Variants in OSBPL10 observed in about 807,000 individuals in gnomAD.
OSBPL10 encodes the protein oxysterol-binding protein-related protein 10.
A neutral mutation model predicts 81.7 loss-of-function variants in OSBPL10; 49 were observed. That is an observed-to-expected ratio of 0.60 (90% confidence interval 0.48 to 0.76). The LOEUF is 0.76. Among genes scored for constraint, OSBPL10 ranks in the 30% least tolerant of loss-of-function variants. OSBPL10 has a pLI of 0.00. For synonymous variants in OSBPL10, 419 were observed against 383.6 expected, an observed-to-expected ratio of 1.09 and a Z score of -1.08; for missense variants, 923 against 987.8, an observed-to-expected ratio of 0.93 and a Z score of 0.88.
chr3:31,958,593 T>A (rs971441047), intron 1 of OSBPL10, among the ~76,000 whole-genome samples: 1 of 152,194 alleles, frequency 6.6e-6, no homozygotes, highest in Non-Finnish European at 1.5e-5. Flanking sequence ...GTCTTTATAT[T>A]TGTTATGTCA....
intron 4 of OSBPL10, among the ~76,000 whole-genome samples, chr3:31,774,111 G>A (rs191788205): frequency 1.0e-4 from 15 of 149,052 alleles, no homozygotes; most frequent in Admixed American, 2.0e-4. Flanking sequence ...GCAGTGAGCC[G>A]AGATTGCACC....
At chr3:31,674,404 A>AAC (rs1700402876) in intron 8 of OSBPL10, among the ~76,000 whole-genome samples, 1 of 151,962 alleles carries the variant, frequency 6.6e-6, no homozygotes, top group Non-Finnish European at 1.5e-5. Context: ...AAAATTTTAA[A>AAC]AAAAAATTAG....
At chr3:31,870,617 G>A (rs191426152) in intron 3 of OSBPL10, among the ~76,000 whole-genome samples, 10 of 151,984 alleles carry the variant, frequency 6.6e-5, no homozygotes, top group South Asian at 2.1e-4. Flanking sequence ...TATGTCTAGC[G>A]CAGGGATTGT....
chr3:31,792,169 C>T (rs377130326), intron 4 of OSBPL10, among the ~76,000 whole-genome samples: 1 of 151,110 alleles, frequency 6.6e-6, no homozygotes, highest in Admixed American at 6.6e-5. Flanking sequence ...ATTGAGGCTG[C>T]GGTGAGCTGT....
intron 6 of OSBPL10, among the ~76,000 whole-genome samples, chr3:31,730,971 C>T (rs1696955771): frequency 6.6e-6 from 1 of 152,186 alleles, no homozygotes; most frequent in South Asian, 2.1e-4. Context: ...AGGACCTGCT[C>T]ATAAGGCATT....
At position 31,684,085 on chromosome 3, in the gene OSBPL10, C is replaced by T. The variant is rs201856386; in HGVS notation, c.1275G>A (p.Lys425=). 1.1e-5 allele frequency: 18 copies of T among 1,613,932 alleles called. No individual in the cohort carries two copies. In the South Asian group the frequency reaches 1.9e-4, roughly 17 times the overall value. The part of the protein sequence containing the change: ...KVVLPTFILE[K]RSLLEMYADF... ...CTGCATACATCTCCAGCAAAGATCG[C>T]TTCTCCAGGATAAAGGTGGGAAGCA... The change falls in exon 8 of 12, where the codon AAG becomes AAA. Residue 425 remains lysine (K), a synonymous_variant. Coordinates refer to ENST00000396556, the MANE Select transcript of OSBPL10 (RefSeq NM_017784.5).
At chr3:31,746,323 C>T (rs953397548) in intron 5 of OSBPL10, among the ~76,000 whole-genome samples, 5 of 152,000 alleles carry the variant, frequency 3.3e-5, no homozygotes, top group South Asian at 2.1e-4. Flanking sequence ...GTCTGTCATC[C>T]GAGAGTCGCT....
intron 1 of OSBPL10, among the ~76,000 whole-genome samples, chr3:32,057,584 G>A (rs1296582186): frequency 1.3e-5 from 2 of 152,154 alleles, no homozygotes; most frequent in Non-Finnish European, 1.5e-5. Flanking sequence ...AGCGAAGTGG[G>A]AAGAGCCCTT....
At chr3:31,857,548 GC>G (rs1700942617) in intron 3 of OSBPL10, among the ~76,000 whole-genome samples, 1 of 151,600 alleles carries the variant, frequency 6.6e-6, no homozygotes, top group East Asian at 2.0e-4. Flanking sequence ...CAGCAAAAGA[GC>G]CTCGGCTCCA....
At chr3:31,711,115 C>A (rs11129458) in intron 6 of OSBPL10, 31,299 of 152,176 alleles carry the variant, frequency 0.21, 4,408 homozygotes, top group East Asian at 0.62. Flanking sequence ...CTTAGTTCAA[C>A]CATGTTTCAC....
intron 6 of OSBPL10, among the ~76,000 whole-genome samples, chr3:31,720,334 C>G (rs6809762): frequency 5.5e-4 from 84 of 152,178 alleles, no homozygotes; most frequent in African/African-American, 2.0e-3. Flanking sequence ...TTCTGAGGCT[C>G]TTGGGAGATA....
At chr3:31,968,271 C>A (rs896441500) in intron 1 of OSBPL10, among the ~76,000 whole-genome samples, 1 of 151,468 alleles carries the variant, frequency 6.6e-6, no homozygotes, top group Non-Finnish European at 1.5e-5. Context: ...AAAAAAAAAT[C>A]GGATCACAAG....
At chr3:31,667,549 A>C (rs768975260) in intron 10 of OSBPL10, among the ~76,000 whole-genome samples, 15 of 152,274 alleles carry the variant, frequency 9.9e-5, no homozygotes, top group Non-Finnish European at 1.5e-4. Context: ...TTGTAGTAAT[A>C]GTAAAGCTTT....
At chr3:32,019,130 C>A (rs185517828) in intron 2 of OSBPL10, among the ~76,000 whole-genome samples, 12 of 152,078 alleles carry the variant, frequency 7.9e-5, no homozygotes, top group African/African-American at 2.6e-4. Context: ...CAACATCACC[C>A]ACCCCCCCAA....
chr3:31,865,127 T>C, intron 3 of OSBPL10, among the ~76,000 whole-genome samples: 1 of 152,160 alleles, frequency 6.6e-6, no homozygotes, highest in East Asian at 1.9e-4. Context: ...CCTCTGTAGA[T>C]TAAAAGAACT....
At chr3:31,792,534 G>GGC (rs778636943) in intron 4 of OSBPL10, among the ~76,000 whole-genome samples, 15 of 152,158 alleles carry the variant, frequency 9.9e-5, no homozygotes, top group Non-Finnish European at 1.9e-4. Context: ...GTTGCAGCGG[G>GGC]GCGGAGGGGG....
intron 5 of OSBPL10, among the ~76,000 whole-genome samples, chr3:31,747,487 T>TAAAAAAAAA (rs61150758): frequency 5.1e-5 from 5 of 98,484 alleles, no homozygotes; most frequent in African/African-American, 1.1e-4. Flanking sequence ...AATCTTCAAA[T>TAAAAAAAAA]AAAAAAAAAA....
Position 31,939,082 on chromosome 3 carries a change from T to C in OSBPL10, c.281+41817A>G, listed in dbSNP as rs376954238. 1.6e-4 allele frequency among the ~76,000 whole-genome samples: 24 copies of C among 151,518 alleles called. 1 individual carries two copies. The East Asian group carries it at 4.3e-3, about 27-fold the overall frequency. On this transcript the variant is annotated intron_variant, in intron 1 of 11. Coordinates refer to ENST00000396556, the MANE Select transcript of OSBPL10 (RefSeq NM_017784.5). ...CCAGGCATTTGCTCTACTACATTAATGCTCTCTTATGCTCTCACACTTCCC... is the reference window on the plus strand; with the variant it reads ...CCAGGCATTTGCTCTACTACATTAACGCTCTCTTATGCTCTCACACTTCCC...
intron 2 of OSBPL10, among the ~76,000 whole-genome samples, chr3:32,037,370 C>T (rs60052455): frequency 0.021 from 3,186 of 152,262 alleles, 110 homozygotes; most frequent in African/African-American, 0.069. Flanking sequence ...CCACTAAGGG[C>T]CAGGTGTGGT....
Sources: gnomAD v4.1 joint callset for allele counts (sites outside exome capture counted in the v4.1 genomes callset) on GRCh38, gnomAD v4.1.1 for gene constraint, MANE v1.5 for transcripts, NCBI Gene and HGNC (gene_info 2026-07-23, HGNC 2026-07-21) for gene names.